The following PCDH11X variants were observed in gnomAD, a reference collection of about 807,000 sequenced individuals.
PCDH11X encodes protocadherin-11 X-linked.
PCDH11X carries 18 observed loss-of-function variants against 53.3 expected under a neutral mutation model. The ratio of observed to expected loss-of-function variants is 0.34; its 90% confidence interval spans 0.23 to 0.50. The LOEUF (loss-of-function observed/expected upper bound fraction) is 0.50. Among genes scored for constraint, PCDH11X ranks in the 20% least tolerant of loss-of-function variants. PCDH11X has a pLI of 0.98. For missense variants in PCDH11X, 570 were observed against 1,032.4 expected (o/e 0.55, Z 6.14); for synonymous variants, 279 against 393.3 (o/e 0.71, Z 3.44).
At chrX:92,312,045 A>G (rs529158562) in intron 8 of PCDH11X, among the ~76,000 whole-genome samples, 78 of 111,636 alleles carry the variant, frequency 7.0e-4, no homozygotes, top group South Asian at 2.2e-3. Context: ...TAGAGTAAAT[A>G]AGCATTGTTA....
In PCDH11X at chrX:92,078,102, G is replaced by A. The variant is rs34035582; in HGVS notation, c.3034-123273G>A. Among the ~76,000 whole-genome samples, 35 of 106,964 alleles carry A rather than the reference G, an allele frequency of 3.3e-4. 1 individual carries two copies. Among genetic ancestry groups the A allele is most frequent in the African/African-American group, 9.9e-4 (29 of 29,390 alleles). 92.9% of individuals were successfully genotyped at this position (106,964 alleles called of 115,157 possible). A position where few individuals can be genotyped will look rare whatever the true frequency, so the allele number is the denominator to read the frequency against. Reference sequence around the variant, plus strand: ...TAAAACTATTGTGGCCCTCTTCTGCGTACCTGTTATCACCAGTTATAAAAA... The same window carrying A: ...TAAAACTATTGTGGCCCTCTTCTGCATACCTGTTATCACCAGTTATAAAAA... On this transcript the variant is annotated intron_variant, in intron 6 of 10. Transcript: ENST00000682573.
intron 10 of PCDH11X, among the ~76,000 whole-genome samples, chrX:92,504,346 A>T (rs1485394135): frequency 2.8e-5 from 3 of 107,612 alleles, no homozygotes; most frequent in Non-Finnish European, 5.8e-5. Context: ...TCTTACTTGT[A>T]AGTGAGAACA....
chrX:92,460,792 C>T, intron 9 of PCDH11X: 1 of 1,152,487 alleles, frequency 8.7e-7, no homozygotes, highest in Non-Finnish European at 1.2e-6. Context: ...GCTGAGATCG[C>T]CACCTACCGC....
chrX:92,266,145 T>C (rs1480148320), intron 8 of PCDH11X, among the ~76,000 whole-genome samples: 1 of 111,949 alleles, frequency 8.9e-6, no homozygotes, highest in African/African-American at 3.2e-5. Context: ...CAAGAAGCTA[T>C]AAACTTTAAA....
rs372214453 is a variant in PCDH11X, at chrX:92,568,276, G to T, written c.3368-49988G>T. On this transcript the variant is annotated intron_variant, in intron 10 of 10. Coordinates refer to ENST00000682573, the MANE Select transcript of PCDH11X (RefSeq NM_032968.5). The stretch of plus-strand genomic sequence containing the variant: ...TCAACTAAAAATACAAAAAAAATTA[G>T]CCCGGCGTGGTGGCGGGCGCCTGTA... Among the ~76,000 whole-genome samples, 14 of 109,713 alleles carry T rather than the reference G, an allele frequency of 1.3e-4. No individual in the cohort carries two copies. The South Asian group carries it at 5.6e-3, about 44-fold the overall frequency.
chrX:91,977,753 C>T (rs1461130222), intron 6 of PCDH11X, among the ~76,000 whole-genome samples: 2 of 111,648 alleles, frequency 1.8e-5, no homozygotes, highest in Admixed American at 9.6e-5. Flanking sequence ...TAATTCCATC[C>T]TAAATCATAC....
At chrX:92,227,411 TGA>T (rs2066990428) in intron 7 of PCDH11X, among the ~76,000 whole-genome samples, 1 of 111,567 alleles carries the variant, frequency 9.0e-6, no homozygotes. Context: ...ATATATTTTC[TGA>T]GATAGATGTG....
At chrX:92,284,205 G>A (rs1020428549) in intron 8 of PCDH11X, among the ~76,000 whole-genome samples, 56 of 110,698 alleles carry the variant, frequency 5.1e-4, no homozygotes, top group Non-Finnish European at 1.7e-4. Flanking sequence ...TAGTCTCATC[G>A]TTCTTTACTA....
chrX:92,250,034 C>T (rs574593573), intron 7 of PCDH11X, among the ~76,000 whole-genome samples: 6 of 110,926 alleles, frequency 5.4e-5, no homozygotes, highest in East Asian at 2.8e-4. Flanking sequence ...TTCGCTCTAA[C>T]GGAGGGAATT....
chrX:92,494,436 A>T (rs1331202638), intron 10 of PCDH11X, among the ~76,000 whole-genome samples: 1 of 106,980 alleles, frequency 9.3e-6, no homozygotes, highest in Non-Finnish European at 1.9e-5. Flanking sequence ...ATTAAATATC[A>T]CTGTCAGTTT....
chrX:91,805,908 A>G (rs1385448510), intron 1 of PCDH11X, among the ~76,000 whole-genome samples: 1 of 110,119 alleles, frequency 9.1e-6, no homozygotes, highest in Non-Finnish European at 1.9e-5. Flanking sequence ...AAAGAAAATA[A>G]TATTTGTTAA....
chrX:92,250,845 T>C (rs1163021218), intron 7 of PCDH11X, among the ~76,000 whole-genome samples: 2 of 108,791 alleles, frequency 1.8e-5, no homozygotes, highest in Admixed American at 9.9e-5. Flanking sequence ...GGTTGAGAAA[T>C]GGGAATATAA....
chrX:91,822,395 A>C (rs1197674224), intron 4 of PCDH11X, among the ~76,000 whole-genome samples: 5 of 108,733 alleles, frequency 4.6e-5, no homozygotes, highest in African/African-American at 1.7e-4. Flanking sequence ...TTCCTGGTTT[A>C]GTCTTGGGAG....
chrX:92,507,247 TC>T (rs1261192971), intron 10 of PCDH11X, among the ~76,000 whole-genome samples: 1 of 111,383 alleles, frequency 9.0e-6, no homozygotes, highest in Non-Finnish European at 1.9e-5. Context: ...TTTTTAGTTA[TC>T]TTTTGTCTTC....
chrX:91,988,774 AG>A (rs2062266895), intron 6 of PCDH11X, among the ~76,000 whole-genome samples: 1 of 112,013 alleles, frequency 8.9e-6, no homozygotes, highest in Non-Finnish European at 1.9e-5. Flanking sequence ...ACTGTGGTAG[AG>A]GACACAGACC....
chrX:92,605,539 A>G (rs1344739846), intron 10 of PCDH11X, among the ~76,000 whole-genome samples: 1 of 112,105 alleles, frequency 8.9e-6, no homozygotes, highest in East Asian at 2.8e-4. Context: ...AAGTAGAATT[A>G]TCTCTATTTG....
chrX:92,104,871 C>T lies in PCDH11X; in HGVS notation c.3034-96504C>T, dbSNP rs747241454. Reference sequence around the variant, plus strand: ...GGGGCACAGAGATAAGAGGTTGGGGCGTGGAAATAAGCGATTGGGGGGTTC... The same window carrying T: ...GGGGCACAGAGATAAGAGGTTGGGGTGTGGAAATAAGCGATTGGGGGGTTC... On this transcript the variant is annotated intron_variant, in intron 6 of 10. Coordinates refer to ENST00000682573, the MANE Select transcript of PCDH11X (RefSeq NM_032968.5). Among the ~76,000 whole-genome samples the T allele has an allele frequency of 1.1e-3, 122 of 109,516 alleles. No individual in the cohort carries two copies. The South Asian group carries it at 0.012, about 11-fold the overall frequency.
chrX:92,137,674 T>C (rs1462766237), intron 6 of PCDH11X, among the ~76,000 whole-genome samples: 3 of 109,839 alleles, frequency 2.7e-5, no homozygotes, highest in African/African-American at 9.9e-5. Context: ...ACCATACCTG[T>C]TAAAAGTCAC....
rs1277135482 is a variant in PCDH11X, at chrX:91,866,117, G to T, written c.541-10664G>T. ...CCTGCTGTGGCTGAGCTGGTATCCG[G>T]GATGTAAAAGAGAGACCTCCTCACT... On this transcript the variant is annotated intron_variant, in intron 5 of 10. Transcript: ENST00000682573. Among the ~76,000 whole-genome samples, 25 of 110,674 alleles carry T rather than the reference G, an allele frequency of 2.3e-4. 1 individual carries two copies. Among genetic ancestry groups the T allele is most frequent in the Admixed American group, 2.2e-3 (23 of 10,393 alleles).
Sources: gnomAD v4.1 joint callset for allele counts (sites outside exome capture counted in the v4.1 genomes callset) on GRCh38, gnomAD v4.1.1 for gene constraint, MANE v1.5 for transcripts, NCBI Gene and HGNC (gene_info 2026-07-23, HGNC 2026-07-21) for gene names.